Variants in IL2RA observed in about 807,000 individuals in gnomAD.
IL2RA encodes the protein interleukin-2 receptor subunit alpha.
A neutral mutation model predicts 37.8 loss-of-function variants in IL2RA; 24 were observed. That is an observed-to-expected ratio of 0.63 (90% CI 0.46 to 0.89). The LOEUF is 0.89. IL2RA is among the 40% of genes least tolerant of loss of function. The probability of loss-of-function intolerance (pLI) is 0.00; values close to 1 mark genes in which losing one functional copy is unlikely to be tolerated. For synonymous variants in IL2RA, 125 were observed against 114.6 expected (o/e 1.09, Z -0.58); for missense variants, 319 against 348.6 (o/e 0.92, Z 0.68).
At chr10:6,042,148 C>CAAACAAAAAAAAAAAA (rs1839781686) in intron 1 of IL2RA, among the ~76,000 whole-genome samples, 1 of 54,132 alleles carries the variant, frequency 1.8e-5, no homozygotes. Flanking sequence ...ATGTATTAAG[C>CAAACAAAAAAAAAAAA]AAAAAAAAAA....
At position 6,046,280 on chromosome 10, in the gene IL2RA, G is replaced by A. The variant is rs1331300162; in HGVS notation, c.64+15808C>T. Reference sequence around the variant, plus strand: ...CAGGGAGAAAACCATGGGAAGTGGGGAGCACTGATTGAGGTTCTGGGGTCC... The same window carrying A: ...CAGGGAGAAAACCATGGGAAGTGGGAAGCACTGATTGAGGTTCTGGGGTCC... On this transcript the variant is annotated intron_variant, in intron 1 of 7. Coordinates refer to ENST00000379959, the MANE Select transcript of IL2RA (RefSeq NM_000417.3). The surrounding 1 kb of genome is among the most constrained non-coding windows in gnomAD (Gnocchi z 4.8). Among the ~76,000 whole-genome samples, 1 of 152,186 alleles carries A rather than the reference G, an allele frequency of 6.6e-6. No homozygotes were observed. Among genetic ancestry groups the A allele is most frequent in the East Asian group, 1.9e-4 (1 of 5,194 alleles).
rs1839693318 is a variant in IL2RA, at chr10:6,036,927, A to G, written c.65-10902T>C. On this transcript the variant is annotated intron_variant, in intron 1 of 7. Coordinates refer to ENST00000379959, the MANE Select transcript of IL2RA (RefSeq NM_000417.3). This position sits in a 1 kb window ranked among gnomAD's most constrained non-coding sequence, Gnocchi z 6.1. Reference sequence around the variant, plus strand: ...GGGATCTTGCAGACTGGGATTTGTCAGGGCAGGTGTGGACATTGAGGCTAT... The same window carrying G: ...GGGATCTTGCAGACTGGGATTTGTCGGGGCAGGTGTGGACATTGAGGCTAT... Among the ~76,000 whole-genome samples the G allele has an allele frequency of 1.3e-5, 2 of 152,112 alleles. No individual in the cohort carries two copies. Among genetic ancestry groups the G allele is most frequent in the African/African-American group, 2.4e-5 (1 of 41,408 alleles).
In IL2RA at chr10:6,031,494, GTATATATATATATA is replaced by G. The variant is rs61619651; in HGVS notation, c.65-5483_65-5470del. On this transcript the variant is annotated intron_variant, in intron 1 of 7. Coordinates refer to ENST00000379959, the MANE Select transcript of IL2RA (RefSeq NM_000417.3). ...TATATATATATATATATATATATAT[GTATATATATATATA>G]TATGTATATATATGTATATATATAT... 7.3e-4 allele frequency among the ~76,000 whole-genome samples: 20 copies of G among 27,478 alleles called. No individual in the cohort carries two copies. The East Asian group carries it at 9.4e-3, about 13-fold the overall frequency. The allele number at this position is 27,478 out of a possible 152,430, so 18.0% of individuals were successfully genotyped here. A position where few individuals can be genotyped will look rare whatever the true frequency, so the allele number is the denominator to read the frequency against.
chr10:6,027,204 T>G (rs1839498690), intron 1 of IL2RA, among the ~76,000 whole-genome samples: 2 of 152,120 alleles, frequency 1.3e-5, no homozygotes, highest in South Asian at 4.1e-4. Context: ...CATGTGCCTG[T>G]GGTCCCAGTT....
At chr10:6,060,291 G>A (rs965810299) in intron 1 of IL2RA, among the ~76,000 whole-genome samples, 1 of 152,160 alleles carries the variant, frequency 6.6e-6, no homozygotes, top group Non-Finnish European at 1.5e-5. Context: ...AGGGAAAAGA[G>A]ACTACGCACT....
In IL2RA at chr10:6,057,196, G is replaced by A. The variant is rs755056178; in HGVS notation, c.64+4892C>T. 1.3e-5 allele frequency among the ~76,000 whole-genome samples: 2 copies of A among 152,158 alleles called. No homozygotes were observed. The highest frequency in any genetic ancestry group is 2.9e-5 in the Non-Finnish European group (2 of 68,044). On this transcript the variant is annotated intron_variant, in intron 1 of 7. Transcript: ENST00000379959. This position sits in a 1 kb window ranked among gnomAD's most constrained non-coding sequence, Gnocchi z 4.8. ...TACATTTCCTATAGTATTGAAAAGG[G>A]GCATGAGAGATATTGGATAGATTTT... is the stretch of plus-strand genomic sequence containing the variant.
At position 6,015,393 on chromosome 10, in the gene IL2RA, T is replaced by A. The variant is rs907192548; in HGVS notation, c.795-2497A>T. Among the ~76,000 whole-genome samples the A allele has an allele frequency of 1.3e-5, 2 of 152,132 alleles. 1 individual carries two copies. The highest frequency in any genetic ancestry group is 4.1e-4 in the South Asian group (2 of 4,822). On this transcript the variant is annotated intron_variant, in intron 7 of 7. Transcript: ENST00000379959. This position sits in a 1 kb window ranked among gnomAD's most constrained non-coding sequence, Gnocchi z 4.9. ...CAAGCGTGAGTCTGGCCAGCTTCCC[T>A]GATTCTTAATGCTGTTAGCCTAGTG...
Position 6,018,217 on chromosome 10 carries a change from A to G in IL2RA, c.728-98T>C. On this transcript the variant is annotated intron_variant, in intron 6 of 7. Coordinates refer to ENST00000379959, the MANE Select transcript of IL2RA (RefSeq NM_000417.3). The surrounding 1 kb of genome is among the most constrained non-coding windows in gnomAD (Gnocchi z 5.1). ...GGGCAGGCTGAGGACATCCCCAAAG[A>G]GCAAGGCGGAGGCTGCAGCCTCTCT... 1 of 865,682 alleles carries G rather than the reference A, an allele frequency of 1.2e-6. No homozygotes were observed. The highest frequency in any genetic ancestry group is 1.4e-5 in the South Asian group (1 of 72,334). The allele number at this position is 865,682 out of a possible 1,614,324, so 53.6% of individuals were successfully genotyped here.
At chr10:6,031,512 G>GTATATA (rs58221909) in intron 1 of IL2RA, among the ~76,000 whole-genome samples, 9 of 52,684 alleles carry the variant, frequency 1.7e-4, no homozygotes, top group African/African-American at 4.1e-4. Flanking sequence ...ATATATATAT[G>GTATATA]TATATATATG....
Position 6,025,331 on chromosome 10 carries a change from G to C in IL2RA, c.256+503C>G, listed in dbSNP as rs1401240351. Among the ~76,000 whole-genome samples the C allele has an allele frequency of 6.6e-6, 1 of 152,016 alleles. No individual in the cohort carries two copies. Among genetic ancestry groups the C allele is most frequent in the Admixed American group, 6.6e-5 (1 of 15,244 alleles). On this transcript the variant is annotated intron_variant, in intron 2 of 7. Coordinates refer to ENST00000379959, the MANE Select transcript of IL2RA (RefSeq NM_000417.3). The surrounding 1 kb of genome is among the most constrained non-coding windows in gnomAD (Gnocchi z 4.4). ...ATTGTACCACCGCACCCCAGCCTGGGCAACAGAGCGAGACTGTCTCAAAAA... is the reference window on the plus strand; with the variant it reads ...ATTGTACCACCGCACCCCAGCCTGGCCAACAGAGCGAGACTGTCTCAAAAA...
At chr10:6,055,953 T>C (rs925259411) in intron 1 of IL2RA, among the ~76,000 whole-genome samples, 3 of 152,236 alleles carry the variant, frequency 2.0e-5, no homozygotes, top group Non-Finnish European at 4.4e-5. Flanking sequence ...AATGTACAGC[T>C]GGCGTTTTGA....
Position 6,022,684 on chromosome 10 carries a change from A to G in IL2RA, c.368-991T>C, listed in dbSNP as rs147229048. On this transcript the variant is annotated intron_variant, in intron 3 of 7. Transcript: ENST00000379959. The surrounding 1 kb of genome is among the most constrained non-coding windows in gnomAD (Gnocchi z 4.7). The stretch of plus-strand genomic sequence containing the variant: ...TGAACTTGTGTTTTGGTCTCAGGAT[A>G]AAAGGTTGTTTGACAGCCAGTACAA... Among the ~76,000 whole-genome samples the G allele has an allele frequency of 5.3e-3, 813 of 152,346 alleles. 11 individuals are homozygous for G. The highest frequency in any genetic ancestry group is 0.019 in the African/African-American group (775 of 41,572).
At position 6,047,973 on chromosome 10, in the gene IL2RA, G is replaced by A. The variant is rs1175099183; in HGVS notation, c.64+14115C>T. On this transcript the variant is annotated intron_variant, in intron 1 of 7. Transcript: ENST00000379959. This position sits in a 1 kb window ranked among gnomAD's most constrained non-coding sequence, Gnocchi z 5.0. ...AAGGCACAGAGAGGCCCAGTGACTT[G>A]CCCAGAGACACACAGCCCCTCAGTG... Among the ~76,000 whole-genome samples the A allele has an allele frequency of 6.6e-6, 1 of 152,196 alleles. No homozygotes were observed. Among genetic ancestry groups the A allele is most frequent in the Non-Finnish European group, 1.5e-5 (1 of 68,036 alleles).
Position 6,021,782 on chromosome 10 carries a change from G to A in IL2RA, c.368-89C>T. On this transcript the variant is annotated intron_variant, in intron 3 of 7. Transcript: ENST00000379959. This position sits in a 1 kb window ranked among gnomAD's most constrained non-coding sequence, Gnocchi z 4.9. ...GCCTCTTGCTAGGGACTGGACCTTG[G>A]TTCTTACTCTCTTGACTGCTTGCTC... 3.1e-6 allele frequency: 3 copies of A among 974,900 alleles called. No homozygotes were observed. Among genetic ancestry groups the A allele is most frequent in the Non-Finnish European group, 3.3e-6 (2 of 610,780 alleles). The allele number at this position is 974,900 out of a possible 1,614,324, so 60.4% of individuals were successfully genotyped here.
At chr10:6,042,081 A>G (rs1210311053) in intron 1 of IL2RA, among the ~76,000 whole-genome samples, 2 of 147,692 alleles carry the variant, frequency 1.4e-5, no homozygotes, top group African/African-American at 5.0e-5. Flanking sequence ...TTACAAAAAG[A>G]AATTAATTCT....
At chr10:6,051,898 T>C (rs569463168) in intron 1 of IL2RA, among the ~76,000 whole-genome samples, 5 of 142,716 alleles carry the variant, frequency 3.5e-5, no homozygotes, top group Non-Finnish European at 7.6e-5. Flanking sequence ...TAATGTAAAC[T>C]GGACTAATAC....
At chr10:6,055,318 G>A (rs939539383) in intron 1 of IL2RA, among the ~76,000 whole-genome samples, 1 of 152,066 alleles carries the variant, frequency 6.6e-6, no homozygotes, top group Non-Finnish European at 1.5e-5. Context: ...TCCTAAGTGC[G>A]ATTTGGAAGT....
chr10:6,025,377 C>T lies in IL2RA; in HGVS notation c.256+457G>A, dbSNP rs1002438698. On this transcript the variant is annotated intron_variant, in intron 2 of 7. Coordinates refer to ENST00000379959, the MANE Select transcript of IL2RA (RefSeq NM_000417.3). This position sits in a 1 kb window ranked among gnomAD's most constrained non-coding sequence, Gnocchi z 4.4. ...AAAAATAAAAATAAAATTGTGTGGCCGGGCACTGTGACTCATGCCTGTAAT... is the reference window on the plus strand; with the variant it reads ...AAAAATAAAAATAAAATTGTGTGGCTGGGCACTGTGACTCATGCCTGTAAT... Among the ~76,000 whole-genome samples, 1 of 151,280 alleles carries T rather than the reference C, an allele frequency of 6.6e-6. No individual in the cohort carries two copies. Among genetic ancestry groups the T allele is most frequent in the Non-Finnish European group, 1.5e-5 (1 of 67,852 alleles).
At position 6,058,780 on chromosome 10, in the gene IL2RA, GT is replaced by G. The variant is rs1406601824; in HGVS notation, c.64+3307del. On this transcript the variant is annotated intron_variant, in intron 1 of 7. Coordinates refer to ENST00000379959, the MANE Select transcript of IL2RA (RefSeq NM_000417.3). The surrounding 1 kb of genome is among the most constrained non-coding windows in gnomAD (Gnocchi z 4.2). ...CATACAAGCTCTCAGAATTTCCACA[GT>G]TCTGAGAAAGGTGCCTTCAATAACG... Among the ~76,000 whole-genome samples the G allele has an allele frequency of 1.3e-5, 2 of 152,156 alleles. No homozygotes were observed. The highest frequency in any genetic ancestry group is 2.9e-5 in the Non-Finnish European group (2 of 68,024).
Sources: gnomAD v4.1 joint callset for allele counts (sites outside exome capture counted in the v4.1 genomes callset) on GRCh38, gnomAD v4.1.1 for gene constraint, Gnocchi (gnomAD v3.1) non-coding constraint, MANE v1.5 for transcripts, NCBI Gene and HGNC (gene_info 2026-07-23, HGNC 2026-07-21) for gene names.